Variants in ITGA9 observed in about 807,000 individuals in gnomAD.
ITGA9 encodes integrin subunit alpha 9, also known as integrin alpha-9.
ITGA9 carries 56 observed loss-of-function variants against 127.8 expected under a neutral mutation model. That is an observed-to-expected ratio of 0.44 (90% CI 0.35 to 0.55). The LOEUF (loss-of-function observed/expected upper bound fraction) is 0.55. ITGA9 is among the 20% of genes least tolerant of loss of function. The pLI is 0.00. For missense variants in ITGA9, 1,196 were observed against 1,347.1 expected (o/e 0.89, Z 1.76); for synonymous variants, 508 against 514.5 (o/e 0.99, Z 0.17).
chr3:37,519,015 C>G (rs919710539), intron 10 of ITGA9, among the ~76,000 whole-genome samples: 11 of 151,496 alleles, frequency 7.3e-5, no homozygotes, highest in African/African-American at 2.4e-4. Flanking sequence ...AAACTCTTGA[C>G]CTCAGGCGAC....
intron 18 of ITGA9, among the ~76,000 whole-genome samples, chr3:37,728,096 G>A (rs1362384894): frequency 6.6e-6 from 1 of 152,202 alleles, no homozygotes; most frequent in Non-Finnish European, 1.5e-5. Flanking sequence ...TTCCCAGTCA[G>A]CTAAGAGTCT....
intron 17 of ITGA9, among the ~76,000 whole-genome samples, chr3:37,655,572 C>A (rs1700469774): frequency 6.6e-6 from 1 of 151,786 alleles, no homozygotes; most frequent in South Asian, 2.1e-4. Context: ...TGTTTTAGTT[C>A]TTTGTAGATT....
At chr3:37,711,740 T>G (rs1701081674) in intron 18 of ITGA9, among the ~76,000 whole-genome samples, 1 of 152,204 alleles carries the variant, frequency 6.6e-6, no homozygotes, top group African/African-American at 2.4e-5. Flanking sequence ...TGTCAAATAA[T>G]TTGTGAACAT....
intron 27 of ITGA9, among the ~76,000 whole-genome samples, chr3:37,805,127 T>C (rs925453967): frequency 5.9e-5 from 9 of 151,970 alleles, no homozygotes; most frequent in African/African-American, 1.9e-4. Flanking sequence ...AGTGGCACAA[T>C]CATAGCTCTA....
chr3:37,748,087 A>C (rs1003025425), intron 22 of ITGA9: 1 of 441,588 alleles, frequency 2.3e-6, no homozygotes, highest in Non-Finnish European at 4.5e-6. Flanking sequence ...GGCCAGAACC[A>C]CCATCTTCCA....
At chr3:37,813,783 A>G (rs1277865678) in intron 27 of ITGA9, among the ~76,000 whole-genome samples, 2 of 152,148 alleles carry the variant, frequency 1.3e-5, no homozygotes, top group African/African-American at 2.4e-5. Context: ...CAAGTCCTCA[A>G]TTCTGACACT....
intron 14 of ITGA9, among the ~76,000 whole-genome samples, chr3:37,536,642 A>G (rs1441923709): frequency 6.6e-6 from 1 of 152,182 alleles, no homozygotes; most frequent in Non-Finnish European, 1.5e-5. Context: ...GAAATGGGAG[A>G]CCACAGTGCC....
intron 15 of ITGA9, among the ~76,000 whole-genome samples, chr3:37,610,773 G>T (rs947947481): frequency 6.6e-6 from 1 of 152,118 alleles, no homozygotes; most frequent in Non-Finnish European, 1.5e-5. Flanking sequence ...ACCCTTTCCC[G>T]CAAAGAGGAG....
chr3:37,557,165 G>A (rs182598258), intron 15 of ITGA9, among the ~76,000 whole-genome samples: 2 of 152,288 alleles, frequency 1.3e-5, no homozygotes, highest in East Asian at 3.9e-4. Context: ...AAATTTTAAA[G>A]TGGTTTTCCT....
intron 18 of ITGA9, among the ~76,000 whole-genome samples, chr3:37,697,744 A>G (rs1700900896): frequency 6.6e-6 from 1 of 152,170 alleles, no homozygotes; most frequent in Non-Finnish European, 1.5e-5. Context: ...ATTGATGGAC[A>G]TTTGGGTTGG....
At chr3:37,508,953 C>T (rs1231420333) in intron 8 of ITGA9, among the ~76,000 whole-genome samples, 6 of 152,164 alleles carry the variant, frequency 3.9e-5, no homozygotes, top group Non-Finnish European at 5.9e-5. Context: ...CCTTTCTCAA[C>T]GAATCTCCAC....
At chr3:37,486,428 T>C (rs1698610888) in intron 4 of ITGA9, among the ~76,000 whole-genome samples, 2 of 152,242 alleles carry the variant, frequency 1.3e-5, no homozygotes, top group African/African-American at 4.8e-5. Flanking sequence ...ATCTATAAAA[T>C]GGGGAGATTA....
At position 37,822,113 on chromosome 3, in the gene ITGA9, A is replaced by G. The variant is rs1299078459; in HGVS notation, c.*3124A>G. The G allele has an allele frequency of 1.3e-5, 2 of 152,116 alleles. No homozygotes were observed. The highest frequency in any genetic ancestry group is 4.8e-5 in the African/African-American group (2 of 41,422). The allele number at this position is 152,116 out of a possible 1,614,324, so 9.4% of individuals were successfully genotyped here. ...CCAGAATATTATTTGAAAATTCTAC[A>G]GTATGTTCTACTTTCTCCCCTTCCT... On this transcript the variant is annotated 3_prime_UTR_variant, in exon 28 of 28. Transcript: ENST00000264741.
intron 3 of ITGA9, among the ~76,000 whole-genome samples, chr3:37,476,620 C>T (rs1295031066): frequency 6.6e-6 from 1 of 152,124 alleles, no homozygotes; most frequent in Non-Finnish European, 1.5e-5. Context: ...TCCTAAGTCC[C>T]CTCTGCCCCT....
chr3:37,725,745 A>G (rs1243179700), intron 18 of ITGA9, among the ~76,000 whole-genome samples: 3 of 152,242 alleles, frequency 2.0e-5, no homozygotes, highest in South Asian at 4.1e-4. Context: ...ACTCCATCCT[A>G]CACGCATCAG....
Position 37,785,465 on chromosome 3 carries a change from T to C in ITGA9, c.2889+387T>C, listed in dbSNP as rs543394557. On this transcript the variant is annotated intron_variant, in intron 26 of 27. Transcript: ENST00000264741. ...CCCGTCACATTACTCCATGGGTAAA[T>C]ACTGTGTTTTGGTTTGGTTTGGTTT... Among the ~76,000 whole-genome samples the C allele has an allele frequency of 5.9e-5, 9 of 152,182 alleles. No homozygotes were observed. The South Asian group carries it at 1.9e-3, about 32-fold the overall frequency.
At chr3:37,774,063 C>T (rs1359588357) in intron 23 of ITGA9, among the ~76,000 whole-genome samples, 1 of 152,170 alleles carries the variant, frequency 6.6e-6, no homozygotes, top group African/African-American at 2.4e-5. Context: ...AGTTGAAATG[C>T]AGAACTTCTT....
At chr3:37,620,646 G>A (rs1196965712) in intron 15 of ITGA9, among the ~76,000 whole-genome samples, 1 of 152,136 alleles carries the variant, frequency 6.6e-6, no homozygotes, top group Non-Finnish European at 1.5e-5. Flanking sequence ...CATCAAAGTT[G>A]TCGCTTTGCC....
chr3:37,670,148 C>T (rs1321068359), intron 17 of ITGA9, among the ~76,000 whole-genome samples: 1 of 150,986 alleles, frequency 6.6e-6, no homozygotes, highest in Non-Finnish European at 1.5e-5. Flanking sequence ...AACAATTTCA[C>T]CTCCTAAGCC....
Sources: allele counts gnomAD v4.1 joint callset (sites outside exome capture counted in the v4.1 genomes callset), GRCh38; gene constraint gnomAD v4.1.1; transcripts MANE v1.5; gene names NCBI Gene and HGNC (gene_info 2026-07-23, HGNC 2026-07-21).